ZMAT4: variants seen among roughly 807,000 people sequenced by gnomAD.
ZMAT4 encodes the protein zinc finger matrin-type 4.
ZMAT4 carries 17 observed loss-of-function variants against 28.7 expected under a neutral mutation model. That is an observed-to-expected ratio of 0.59 (90% CI 0.41 to 0.89). ZMAT4 has a LOEUF of 0.89. ZMAT4 is among the 40% of genes least tolerant of loss of function. ZMAT4 has a pLI of 0.00. For missense variants in ZMAT4, 240 were observed against 283.8 expected, an observed-to-expected ratio of 0.85 and a Z score of 1.11; for synonymous variants, 117 against 109.2, an observed-to-expected ratio of 1.07 and a Z score of -0.44.
At chr8:40,533,465 G>T (rs1250423112) in intron 6 of ZMAT4, among the ~76,000 whole-genome samples, 1 of 152,194 alleles carries the variant, frequency 6.6e-6, no homozygotes, top group Non-Finnish European at 1.5e-5. Context: ...TGTTAGAGCA[G>T]GTTAGACTCT....
At chr8:40,812,252 C>T (rs1298074012) in intron 2 of ZMAT4, among the ~76,000 whole-genome samples, 1 of 152,198 alleles carries the variant, frequency 6.6e-6, no homozygotes, top group Non-Finnish European at 1.5e-5. Context: ...ACCTGACAGT[C>T]ACTCCCTCAG....
At chr8:40,769,259 T>G (rs537204193) in intron 2 of ZMAT4, among the ~76,000 whole-genome samples, 6 of 152,200 alleles carry the variant, frequency 3.9e-5, no homozygotes, top group Non-Finnish European at 7.3e-5. Flanking sequence ...CTGGAGTTTT[T>G]TTTGTTTGTT....
intron 6 of ZMAT4, among the ~76,000 whole-genome samples, chr8:40,545,246 C>A (rs72636911): frequency 0.042 from 6,443 of 152,116 alleles, 150 homozygotes; most frequent in South Asian, 0.093. Flanking sequence ...ATTGAAGCCT[C>A]AGGAGAAGCT....
At chr8:40,562,737 A>G (rs1803789071) in intron 6 of ZMAT4, among the ~76,000 whole-genome samples, 1 of 151,546 alleles carries the variant, frequency 6.6e-6, no homozygotes, top group African/African-American at 2.4e-5. Context: ...CCATCTGTCA[A>G]TCCTCTTTCT....
intron 5 of ZMAT4, among the ~76,000 whole-genome samples, chr8:40,637,109 C>CT (rs1806822089): frequency 6.7e-6 from 1 of 148,474 alleles, no homozygotes; most frequent in African/African-American, 2.5e-5. Context: ...AAAAAAAACT[C>CT]TGTGATTCCC....
intron 6 of ZMAT4, among the ~76,000 whole-genome samples, chr8:40,542,759 T>C (rs1337290817): frequency 6.6e-6 from 1 of 152,186 alleles, no homozygotes; most frequent in African/African-American, 2.4e-5. Flanking sequence ...CAACATTATG[T>C]AACAGAATAA....
intron 2 of ZMAT4, among the ~76,000 whole-genome samples, chr8:40,786,035 T>A (rs984866832): frequency 1.3e-5 from 2 of 152,188 alleles, no homozygotes; most frequent in African/African-American, 2.4e-5. Context: ...CTGACTTCCA[T>A]GACAAAACAC....
intron 2 of ZMAT4, among the ~76,000 whole-genome samples, chr8:40,802,143 A>G (rs977830218): frequency 1.3e-4 from 20 of 152,266 alleles, no homozygotes; most frequent in African/African-American, 4.6e-4. Context: ...GAGGAATTCA[A>G]ATCTTTCTTG....
chr8:40,623,020 C>A (rs1224350306), intron 5 of ZMAT4, among the ~76,000 whole-genome samples: 2 of 152,164 alleles, frequency 1.3e-5, no homozygotes, highest in African/African-American at 2.4e-5. Flanking sequence ...AGCTTTATCA[C>A]CTCTTTCCTC....
chr8:40,811,729 G>A (rs1335122088), intron 2 of ZMAT4, among the ~76,000 whole-genome samples: 2 of 152,182 alleles, frequency 1.3e-5, no homozygotes, highest in Non-Finnish European at 2.9e-5. Context: ...AGAAGCCATA[G>A]ATTACATGTA....
chr8:40,630,414 T>C (rs1317468016), intron 5 of ZMAT4, among the ~76,000 whole-genome samples: 1 of 152,188 alleles, frequency 6.6e-6, no homozygotes, highest in Non-Finnish European at 1.5e-5. Flanking sequence ...CTGCTATCAG[T>C]TCCACTTCAT....
intron 5 of ZMAT4, among the ~76,000 whole-genome samples, chr8:40,651,225 C>T (rs545802067): frequency 2.0e-5 from 3 of 151,986 alleles, no homozygotes; most frequent in African/African-American, 7.2e-5. Flanking sequence ...CAACTTCAGC[C>T]AAGTCTCAGG....
chr8:40,897,146 C>G (rs536368760), intron 1 of ZMAT4, among the ~76,000 whole-genome samples: 16 of 152,224 alleles, frequency 1.1e-4, no homozygotes, highest in Admixed American at 2.0e-4. Flanking sequence ...CCCACCCACC[C>G]CGGGGAATGT....
intron 3 of ZMAT4, among the ~76,000 whole-genome samples, chr8:40,721,112 A>C: frequency 1.6e-5 from 2 of 128,322 alleles, no homozygotes; most frequent in Admixed American, 7.8e-5. Context: ...ATATCTCCCA[A>C]TGCTATCCCT....
intron 6 of ZMAT4, among the ~76,000 whole-genome samples, chr8:40,546,866 T>C (rs1422158682): frequency 6.6e-6 from 1 of 152,152 alleles, no homozygotes; most frequent in Non-Finnish European, 1.5e-5. Context: ...CTCTGCCAGT[T>C]CCTCTGAACA....
chr8:40,820,968 T>C (rs996771626), intron 2 of ZMAT4, among the ~76,000 whole-genome samples: 2 of 150,322 alleles, frequency 1.3e-5, no homozygotes, highest in Admixed American at 1.3e-4. Flanking sequence ...TGTGTGTATG[T>C]GTGTATGTGT....
intron 4 of ZMAT4, among the ~76,000 whole-genome samples, chr8:40,682,928 G>T (rs1809239702): frequency 6.6e-6 from 1 of 152,046 alleles, no homozygotes; most frequent in African/African-American, 2.4e-5. Flanking sequence ...ACTTTAGAGG[G>T]GATAAAAGTC....
chr8:40,732,386 A>T (rs1811577876), intron 3 of ZMAT4, among the ~76,000 whole-genome samples: 1 of 152,196 alleles, frequency 6.6e-6, no homozygotes. Context: ...CACACTTGGC[A>T]CCAGACAGAG....
At chr8:40,800,186 G>A (rs150620268) in intron 2 of ZMAT4, among the ~76,000 whole-genome samples, 91 of 152,302 alleles carry the variant, frequency 6.0e-4, no homozygotes, top group African/African-American at 2.1e-3. Context: ...AATTCTCCAA[G>A]AAGACATAAC....
Sources: allele counts gnomAD v4.1 joint callset (sites outside exome capture counted in the v4.1 genomes callset), GRCh38; gene constraint gnomAD v4.1.1; transcripts MANE v1.5; gene names NCBI Gene and HGNC (gene_info 2026-07-23, HGNC 2026-07-21).